The following EDAR variants were observed in gnomAD, a reference collection of about 807,000 sequenced individuals.
EDAR encodes the protein tumor necrosis factor receptor superfamily member EDAR.
A neutral mutation model predicts 51.3 loss-of-function variants in EDAR; 38 were observed. The observed-to-expected ratio is 0.74, with a 90% confidence interval of 0.57 to 0.97. The LOEUF is 0.97. Ranked by LOEUF, EDAR falls within the 50% of genes least tolerant of loss-of-function variation. The probability of loss-of-function intolerance (pLI) is 0.00; values close to 1 mark genes in which losing one functional copy is unlikely to be tolerated. For missense variants in EDAR, 528 were observed against 595.0 expected (o/e 0.89, Z 1.17); for synonymous variants, 227 against 242.1 (o/e 0.94, Z 0.58).
At chr2:108,907,729 G>T (rs1011265262) in intron 10 of EDAR, 131 bp downstream of exon 10, 28 of 1,023,922 alleles carry the variant, frequency 2.7e-5, no homozygotes, top group Non-Finnish European at 4.1e-5. Context: ...CACTGTCCAG[G>T]TCTCCTATCT....
In EDAR at chr2:108,923,352, G is replaced by A. The variant is rs1347028214; in HGVS notation, c.442+16C>T. On this transcript the variant is annotated intron_variant, in intron 5 of 11. Transcript: ENST00000258443. ...CTGAACAAATACCGTGCTGGTGGAA[G>A]GACAAAGACACTCACATTCCTTGGT... 1 of 1,612,606 alleles carries A rather than the reference G, an allele frequency of 6.2e-7. No homozygotes were observed. Among genetic ancestry groups the A allele is most frequent in the South Asian group, 1.1e-5 (1 of 91,054 alleles).
intron 1 of EDAR, among the ~76,000 whole-genome samples, chr2:108,973,621 G>A (rs749334882): frequency 1.8e-4 from 27 of 152,142 alleles, no homozygotes; most frequent in Admixed American, 1.0e-3. Context: ...GGCTGCCTCC[G>A]GAAGAACAGA....
At chr2:108,899,006 C>T (rs561059807) in intron 11 of EDAR, among the ~76,000 whole-genome samples, 4 of 152,258 alleles carry the variant, frequency 2.6e-5, no homozygotes, top group Admixed American at 2.0e-4. Context: ...TAAATAAATA[C>T]TCAAATAAAT....
At chr2:108,979,435 T>C (rs1698383971) in intron 1 of EDAR, among the ~76,000 whole-genome samples, 1 of 135,956 alleles carries the variant, frequency 7.4e-6, no homozygotes, top group African/African-American at 2.9e-5. Flanking sequence ...TCTCTCTCTC[T>C]TTCTCTCTCT....
intron 5 of EDAR, among the ~76,000 whole-genome samples, chr2:108,921,712 G>C (rs997003269): frequency 1.3e-5 from 2 of 152,214 alleles, no homozygotes; most frequent in Non-Finnish European, 2.9e-5. Context: ...AGGCCCAGGG[G>C]TGGAGGGCAT....
chr2:108,901,808 CTG>C (rs777631008), intron 11 of EDAR, among the ~76,000 whole-genome samples: 25 of 152,194 alleles, frequency 1.6e-4, no homozygotes, highest in Non-Finnish European at 3.4e-4. Flanking sequence ...GAATTTGTAA[CTG>C]TAAAAATATC....
intron 4 of EDAR, among the ~76,000 whole-genome samples, chr2:108,925,879 G>A (rs1697243398): frequency 3.3e-5 from 5 of 152,140 alleles, no homozygotes; most frequent in Admixed American, 3.3e-4. Flanking sequence ...GCATCCCAAA[G>A]TATTGGGATT....
At chr2:108,930,816 C>T in intron 2 of EDAR, 148 bp downstream of exon 2, 3 of 873,812 alleles carry the variant, frequency 3.4e-6, no homozygotes, top group East Asian at 2.4e-5. Flanking sequence ...CTGTGCTTTG[C>T]AGGCCTGGTT....
chr2:108,910,735 G>A (rs1558801848), intron 8 of EDAR, 41 bp downstream of exon 8: 3 of 1,606,318 alleles, frequency 1.9e-6, no homozygotes, highest in Non-Finnish European at 1.7e-6. Flanking sequence ...CCCAGAGATG[G>A]GCACCGTGCA....
At chr2:108,977,580 CTTTT>C (rs1405207666) in intron 1 of EDAR, among the ~76,000 whole-genome samples, 1 of 152,074 alleles carries the variant, frequency 6.6e-6, no homozygotes, top group Admixed American at 6.6e-5. Context: ...AGGAGCTCGC[CTTTT>C]TTGAGTGTTC....
At chr2:108,897,478 AC>A (rs1696622188) in intron 11 of EDAR, among the ~76,000 whole-genome samples, 1 of 152,116 alleles carries the variant, frequency 6.6e-6, no homozygotes, top group African/African-American at 2.4e-5. Flanking sequence ...TAGGAAAATG[AC>A]TGCTATATTG....
chr2:108,962,654 G>A (rs260689), intron 1 of EDAR, among the ~76,000 whole-genome samples: 99,244 of 137,884 alleles, frequency 0.72, 40,545 homozygotes, highest in Non-Finnish European at 0.93. Flanking sequence ...CAGCCTGGGC[G>A]ACAGAGCGAG....
intron 5 of EDAR, among the ~76,000 whole-genome samples, chr2:108,913,488 C>T (rs1696968443): frequency 3.3e-5 from 5 of 151,566 alleles, no homozygotes; most frequent in African/African-American, 1.2e-4. Context: ...TTTTTCCAGT[C>T]ATAAAAGTAA....
intron 1 of EDAR, among the ~76,000 whole-genome samples, chr2:108,956,594 T>C (rs1033151843): frequency 8.5e-5 from 13 of 152,346 alleles, no homozygotes; most frequent in Admixed American, 4.6e-4. Flanking sequence ...GATGGTTGAC[T>C]GACAGTGAAA....
intron 5 of EDAR, among the ~76,000 whole-genome samples, chr2:108,915,800 G>A (rs1037702425): frequency 3.3e-5 from 5 of 152,120 alleles, no homozygotes; most frequent in Admixed American, 1.3e-4. Flanking sequence ...GGGAGGCTGA[G>A]GCAAGAGAAT....
intron 11 of EDAR, among the ~76,000 whole-genome samples, chr2:108,900,571 A>ATAC (rs112135496): frequency 6.8e-6 from 1 of 147,420 alleles, no homozygotes; most frequent in Non-Finnish European, 1.5e-5. Context: ...AAAAAAAAAA[A>ATAC]AACAAAAAAC....
rs758731555 is a variant in EDAR at position 108,930,985 on chromosome 2, C to T, written c.30G>A (p.Thr10=). 1.2e-5 allele frequency: 20 copies of T among 1,613,822 alleles called. No homozygotes were observed. Among genetic ancestry groups the T allele is most frequent in the Admixed American group, 8.3e-5 (5 of 60,004 alleles). Reference sequence around the variant, plus strand: ...TTACCACCAGGACGGGGAGCCAGGGCGTCTGCGTGCAGTCCCCCACATGGG... The same window carrying T: ...TTACCACCAGGACGGGGAGCCAGGGTGTCTGCGTGCAGTCCCCCACATGGG... The part of the protein sequence containing the change: MAHVGDCTQ[T]PWLPVLVVSL... The change falls in exon 2 of 12, where the codon ACG becomes ACA. Residue 10 remains threonine, a synonymous_variant. Coordinates refer to ENST00000258443, the MANE Select transcript of EDAR (RefSeq NM_022336.4).
chr2:108,897,425 G>A (rs2105372321), intron 11 of EDAR, among the ~76,000 whole-genome samples, 196 bp from the exon 12 acceptor site: 1 of 152,052 alleles, frequency 6.6e-6, no homozygotes, highest in African/African-American at 2.4e-5. Flanking sequence ...CACAAGAGAG[G>A]GCTGTGCATG....
chr2:108,947,669 C>A (rs538807034), intron 1 of EDAR, among the ~76,000 whole-genome samples: 12 of 152,306 alleles, frequency 7.9e-5, no homozygotes, highest in Admixed American at 2.6e-4. Flanking sequence ...TGTACCTTGG[C>A]CCCTTTTAGC....
Sources: allele counts gnomAD v4.1 joint callset (sites outside exome capture counted in the v4.1 genomes callset), GRCh38; gene constraint gnomAD v4.1.1; transcripts MANE v1.5; gene names NCBI Gene and HGNC (gene_info 2026-07-23, HGNC 2026-07-21).